Variants in TMEM132C observed in about 807,000 individuals in gnomAD.
TMEM132C encodes the protein protein phosphatase 1, regulatory subunit 152.
A neutral mutation model predicts 61.4 loss-of-function variants in TMEM132C; 29 were observed. The ratio of observed to expected loss-of-function variants is 0.47; its 90% CI spans 0.35 to 0.64. The LOEUF (loss-of-function observed/expected upper bound fraction) is 0.64, where lower values mean the gene tolerates loss of function less well. Among genes scored for constraint, TMEM132C ranks in the 30% least tolerant of loss-of-function variants. The pLI, the probability that TMEM132C is intolerant of heterozygous loss-of-function variation, is 0.00. For missense variants in TMEM132C, 1,408 were observed against 1,476.9 expected, an observed-to-expected ratio of 0.95 and a Z score of 0.76; for synonymous variants, 656 against 633.1, an observed-to-expected ratio of 1.04 and a Z score of -0.54.
In TMEM132C at chr12:128,298,120, C is replaced by T. The variant is rs1014054597; in HGVS notation, c.85+30633C>T. Among the ~76,000 whole-genome samples the T allele has an allele frequency of 3.9e-5, 6 of 152,256 alleles. No individual in the cohort carries two copies. The East Asian group carries it at 9.7e-4, about 25-fold the overall frequency. ...CCCATTTTATCTCCTCTCCTTCTGCCCAGTACAGGTTCAGGATGTTGCCAG... is the reference window on the plus strand; with the variant it reads ...CCCATTTTATCTCCTCTCCTTCTGCTCAGTACAGGTTCAGGATGTTGCCAG... On this transcript the variant is annotated intron_variant, in intron 1 of 8. Transcript: ENST00000435159.
At chr12:128,667,840 A>C (rs1954493720) in intron 4 of TMEM132C, among the ~76,000 whole-genome samples, 1 of 152,252 alleles carries the variant, frequency 6.6e-6, no homozygotes, top group African/African-American at 2.4e-5. Context: ...ATCACAACAT[A>C]CATGAGAGGT....
chr12:128,300,346 C>T (rs1482277675), intron 1 of TMEM132C, among the ~76,000 whole-genome samples: 2 of 152,178 alleles, frequency 1.3e-5, no homozygotes, highest in African/African-American at 4.8e-5. Context: ...ATGAACTTAT[C>T]TCCTTGAGCC....
At chr12:128,395,486 A>G (rs1874918389) in intron 1 of TMEM132C, among the ~76,000 whole-genome samples, 1 of 152,226 alleles carries the variant, frequency 6.6e-6, no homozygotes, top group Non-Finnish European at 1.5e-5. Flanking sequence ...TGATAAATCC[A>G]TTGTAAATTG....
intron 3 of TMEM132C, among the ~76,000 whole-genome samples, chr12:128,575,237 TG>T (rs1427891338): frequency 3.9e-5 from 6 of 152,288 alleles, no homozygotes; most frequent in Middle Eastern, 3.4e-3. Flanking sequence ...CCCAACACTT[TG>T]GGGGGGCCAA....
At chr12:128,333,082 T>C (rs1273882003) in intron 1 of TMEM132C, among the ~76,000 whole-genome samples, 2 of 152,046 alleles carry the variant, frequency 1.3e-5, no homozygotes, top group Admixed American at 6.6e-5. Context: ...GGGTGTTGTA[T>C]GTGCATGTGT....
intron 1 of TMEM132C, among the ~76,000 whole-genome samples, chr12:128,373,333 C>T (rs1874086178): frequency 6.6e-6 from 1 of 152,170 alleles, no homozygotes; most frequent in African/African-American, 2.4e-5. Context: ...AGATATCCCC[C>T]TAATTGTAAT....
intron 1 of TMEM132C, among the ~76,000 whole-genome samples, chr12:128,387,894 C>T (rs1029144092): frequency 6.6e-6 from 1 of 152,184 alleles, no homozygotes; most frequent in Non-Finnish European, 1.5e-5. Flanking sequence ...AGGCGGGAGT[C>T]GCCCTGCCTG....
At chr12:128,275,949 G>A (rs995013791) in intron 1 of TMEM132C, among the ~76,000 whole-genome samples, 1 of 152,098 alleles carries the variant, frequency 6.6e-6, no homozygotes, top group Non-Finnish European at 1.5e-5. Context: ...GGTGCTCTTG[G>A]CTTGTGGCAG....
chr12:128,290,285 G>A lies in TMEM132C; in HGVS notation c.85+22798G>A, dbSNP rs546520476. Among the ~76,000 whole-genome samples, 5 of 152,220 alleles carry A rather than the reference G, an allele frequency of 3.3e-5. No homozygotes were observed. In the East Asian group the frequency reaches 7.7e-4, roughly 24 times the overall value. On this transcript the variant is annotated intron_variant, in intron 1 of 8. Transcript: ENST00000435159. ...AGAAAGCATAACTGGGAGGCCTCAG[G>A]AAACTTACAGTCATGGGAAATGGGA...
At chr12:128,518,932 C>T (rs776644906) in intron 2 of TMEM132C, among the ~76,000 whole-genome samples, 34 of 152,040 alleles carry the variant, frequency 2.2e-4, no homozygotes, top group Non-Finnish European at 4.0e-4. Flanking sequence ...ATAGTACCAC[C>T]CCCTGCCTTT....
At chr12:128,645,539 G>A (rs1364643307) in intron 4 of TMEM132C, among the ~76,000 whole-genome samples, 3 of 152,096 alleles carry the variant, frequency 2.0e-5, no homozygotes, top group African/African-American at 7.2e-5. Flanking sequence ...CTTGATGAAA[G>A]CTTTCTATGA....
At chr12:128,334,843 G>A (rs1008215084) in intron 1 of TMEM132C, among the ~76,000 whole-genome samples, 3 of 152,080 alleles carry the variant, frequency 2.0e-5, no homozygotes, top group Admixed American at 6.5e-5. Context: ...TGATCTGCCC[G>A]CTTCAGCCTC....
intron 3 of TMEM132C, among the ~76,000 whole-genome samples, chr12:128,571,743 A>G (rs1439685520): frequency 6.6e-6 from 1 of 152,228 alleles, no homozygotes; most frequent in Non-Finnish European, 1.5e-5. Context: ...CCACAAGAGA[A>G]TCCAGTTAGG....
At chr12:128,660,060 C>T (rs1214011164) in intron 4 of TMEM132C, among the ~76,000 whole-genome samples, 1 of 152,192 alleles carries the variant, frequency 6.6e-6, no homozygotes, top group Non-Finnish European at 1.5e-5. Context: ...AGTCTCCCTC[C>T]AAGGGTTCAG....
intron 1 of TMEM132C, among the ~76,000 whole-genome samples, chr12:128,282,337 A>G (rs1379771026): frequency 1.3e-5 from 2 of 152,258 alleles, no homozygotes; most frequent in African/African-American, 4.8e-5. Flanking sequence ...TAAAGGAAAG[A>G]GGTTTAATTG....
At chr12:128,595,585 A>C (rs1269473450) in intron 3 of TMEM132C, among the ~76,000 whole-genome samples, 1 of 152,162 alleles carries the variant, frequency 6.6e-6, no homozygotes, top group East Asian at 1.9e-4. Flanking sequence ...GAAGAGGAGG[A>C]GGCCACGGGA....
intron 2 of TMEM132C, among the ~76,000 whole-genome samples, chr12:128,504,584 T>A (rs1047095957): frequency 6.6e-5 from 10 of 152,110 alleles, no homozygotes; most frequent in Non-Finnish European, 1.2e-4. Flanking sequence ...GCCTCTCTCC[T>A]TGACTTGCAG....
At chr12:128,461,586 C>T (rs571405917) in intron 2 of TMEM132C, among the ~76,000 whole-genome samples, 46 of 152,306 alleles carry the variant, frequency 3.0e-4, no homozygotes, top group African/African-American at 1.1e-3. Flanking sequence ...CTGCTGTGCA[C>T]AGTTGTACAG....
chr12:128,365,579 C>T (rs148808958), intron 1 of TMEM132C, among the ~76,000 whole-genome samples: 13 of 152,198 alleles, frequency 8.5e-5, no homozygotes, highest in African/African-American at 2.4e-4. Context: ...TTCTTAGAGC[C>T]GGAAAGCATA....
Sources: allele counts gnomAD v4.1 joint callset (sites outside exome capture counted in the v4.1 genomes callset), GRCh38; gene constraint gnomAD v4.1.1; transcripts MANE v1.5; gene names NCBI Gene and HGNC (gene_info 2026-07-23, HGNC 2026-07-21).